TENM3: variants seen among roughly 807,000 people sequenced by gnomAD.
TENM3 encodes teneurin-3.
TENM3 carries 63 observed loss-of-function variants against 255.1 expected under a neutral mutation model. That is an observed-to-expected ratio of 0.25 (90% CI 0.20 to 0.30). The LOEUF (loss-of-function observed/expected upper bound fraction) is 0.30. TENM3 is among the 10% of genes least tolerant of loss of function. The probability of loss-of-function intolerance (pLI) is 1.00; values close to 1 mark genes in which losing one functional copy is unlikely to be tolerated. For synonymous variants in TENM3, 1,306 were observed against 1,322.3 expected (o/e 0.99, Z 0.27); for missense variants, 2,929 against 3,461.1 (o/e 0.85, Z 3.86).
the TENM3 span, among the ~76,000 whole-genome samples, chr4:182,059,641 G>C: frequency 2.0e-5 from 3 of 150,464 alleles, no homozygotes; most frequent in Non-Finnish European, 4.4e-5. Flanking sequence ...CTGTGCAGTG[G>C]CTCATGCCTG....
At chr4:182,574,876 T>C (rs1395907105) in intron 3 of TENM3, among the ~76,000 whole-genome samples, 1 of 152,160 alleles carries the variant, frequency 6.6e-6, no homozygotes, top group Non-Finnish European at 1.5e-5. Context: ...GCCATATGTT[T>C]CCTGTCACCT....
the TENM3 span, among the ~76,000 whole-genome samples, chr4:181,596,716 TGTG>T: frequency 6.6e-6 from 1 of 151,826 alleles, no homozygotes; most frequent in Non-Finnish European, 1.5e-5. Context: ...ATAAAGAAAA[TGTG>T]GTACATAAAC....
the TENM3 span, among the ~76,000 whole-genome samples, chr4:182,018,883 A>G: frequency 8.5e-5 from 13 of 152,212 alleles, no homozygotes; most frequent in Non-Finnish European, 1.9e-4. Flanking sequence ...TTCATAGTAA[A>G]GAAAACAGTG....
chr4:181,472,428 T>C, the TENM3 span, among the ~76,000 whole-genome samples: 2 of 152,052 alleles, frequency 1.3e-5, no homozygotes, highest in Non-Finnish European at 2.9e-5. Context: ...TACTTCAATA[T>C]AGAACAGCAA....
intron 3 of TENM3, among the ~76,000 whole-genome samples, chr4:182,424,527 T>G (rs748263353): frequency 2.0e-5 from 3 of 151,936 alleles, no homozygotes; most frequent in Non-Finnish European, 2.9e-5. Flanking sequence ...TTAAAAAAAA[T>G]GTACATGACC....
At chr4:181,802,338 A>C in the TENM3 span, among the ~76,000 whole-genome samples, 3 of 152,166 alleles carry the variant, frequency 2.0e-5, no homozygotes, top group Admixed American at 1.3e-4. Flanking sequence ...ACAGGATATA[A>C]AGATTTTGCC....
intron 4 of TENM3, among the ~76,000 whole-genome samples, chr4:182,620,951 G>T (rs377348895): frequency 5.3e-5 from 8 of 151,960 alleles, no homozygotes; most frequent in Non-Finnish European, 1.0e-4. Context: ...AGGCCAAGGC[G>T]GGTGGATCCC....
chr4:181,971,974 A>G, the TENM3 span, among the ~76,000 whole-genome samples: 6 of 152,074 alleles, frequency 3.9e-5, no homozygotes, highest in African/African-American at 9.7e-5. Flanking sequence ...CCATATTGGT[A>G]TATGACTTAT....
chr4:182,129,217 G>C, the TENM3 span, among the ~76,000 whole-genome samples: 2 of 152,200 alleles, frequency 1.3e-5, no homozygotes, highest in Non-Finnish European at 2.9e-5. Context: ...GCAGTAGATA[G>C]ATTGTGTTAA....
At chr4:182,233,139 A>G (rs1192966388) in intron 1 of TENM3, among the ~76,000 whole-genome samples, 15 of 152,196 alleles carry the variant, frequency 9.9e-5, no homozygotes, top group Non-Finnish European at 1.9e-4. Flanking sequence ...ACCTGAAGCC[A>G]GAGATGTTCC....
At chr4:182,674,810 A>C (rs1441974622) in intron 7 of TENM3, among the ~76,000 whole-genome samples, 1 of 152,102 alleles carries the variant, frequency 6.6e-6, no homozygotes, top group African/African-American at 2.4e-5. Context: ...TCCTGGGCTC[A>C]AGCAATCCGC....
chr4:182,613,547 T>G (rs1293103405), intron 4 of TENM3, among the ~76,000 whole-genome samples: 1 of 152,140 alleles, frequency 6.6e-6, no homozygotes, highest in Admixed American at 6.5e-5. Flanking sequence ...ATGCTTAAAT[T>G]TTATATAATT....
At chr4:181,605,566 GAA>G in the TENM3 span, among the ~76,000 whole-genome samples, 153 of 28,486 alleles carry the variant, frequency 5.4e-3, 3 homozygotes, top group South Asian at 0.011. Flanking sequence ...AAGAAAGAAA[GAA>G]AGAGAGAGAA....
At chr4:181,611,588 ACT>A in the TENM3 span, among the ~76,000 whole-genome samples, 18 of 152,224 alleles carry the variant, frequency 1.2e-4, 1 homozygote, top group South Asian at 3.3e-3. Flanking sequence ...CTGTTTGGTA[ACT>A]CTTTTTCCTC....
chr4:182,005,443 C>A, the TENM3 span, among the ~76,000 whole-genome samples: 2 of 152,102 alleles, frequency 1.3e-5, no homozygotes, highest in Admixed American at 1.3e-4. Context: ...TGTTTTGGTA[C>A]CAGTACCATA....
At chr4:181,886,256 T>C in the TENM3 span, among the ~76,000 whole-genome samples, 562 of 152,204 alleles carry the variant, frequency 3.7e-3, 4 homozygotes, top group Non-Finnish European at 5.0e-3. Context: ...TTTCACCATA[T>C]TGGTCAGGCT....
chr4:182,066,596 A>AT, the TENM3 span, among the ~76,000 whole-genome samples: 1 of 21,346 alleles, frequency 4.7e-5, no homozygotes, highest in African/African-American at 8.0e-5. Context: ...ATGGTAAAAA[A>AT]AAAATATATA....
chr4:182,544,592 G>A (rs553067377), intron 3 of TENM3, among the ~76,000 whole-genome samples: 13 of 152,042 alleles, frequency 8.6e-5, no homozygotes, highest in East Asian at 1.9e-4. Context: ...GGGAGCCACC[G>A]CGCCCGGCCT....
At chr4:181,613,900 AGTGCAGAAGTAG>A in the TENM3 span, among the ~76,000 whole-genome samples, 1 of 152,222 alleles carries the variant, frequency 6.6e-6, no homozygotes, top group Non-Finnish European at 1.5e-5. Context: ...TAACAAATTG[AGTGCAGAAGTAG>A]GTGAGAAAAT....
Sources: allele counts gnomAD v4.1 joint callset (sites outside exome capture counted in the v4.1 genomes callset), GRCh38; gene constraint gnomAD v4.1.1; transcripts MANE v1.5; gene names NCBI Gene and HGNC (gene_info 2026-07-23, HGNC 2026-07-21).